Variants in VAV3 observed in about 807,000 individuals in gnomAD.
The protein encoded by VAV3 is guanine nucleotide exchange factor VAV3.
Under a neutral mutation model 131.2 loss-of-function variants are expected in VAV3, and 94 were observed. That is an observed-to-expected ratio of 0.72 (90% CI 0.61 to 0.85). The LOEUF (loss-of-function observed/expected upper bound fraction) is 0.85. Among genes scored for constraint, VAV3 ranks in the 40% least tolerant of loss-of-function variants. The pLI is 0.00. For synonymous variants in VAV3, 349 were observed against 342.0 expected (o/e 1.02, Z -0.22); for missense variants, 939 against 1,002.7 (o/e 0.94, Z 0.86).
chr1:107,730,763 A>G (rs1435569226), intron 15 of VAV3, among the ~76,000 whole-genome samples: 3 of 152,212 alleles, frequency 2.0e-5, no homozygotes, highest in Non-Finnish European at 4.4e-5. Flanking sequence ...TTTTTCATCT[A>G]GTGAATGAAT....
intron 19 of VAV3, among the ~76,000 whole-genome samples, chr1:107,661,919 G>A (rs1657050081): frequency 6.6e-6 from 1 of 152,186 alleles, no homozygotes; most frequent in Non-Finnish European, 1.5e-5. Context: ...GGAAAATTAA[G>A]TTGGTATTAC....
intron 1 of VAV3, among the ~76,000 whole-genome samples, chr1:107,954,952 A>G (rs1674736283): frequency 6.6e-6 from 1 of 152,228 alleles, no homozygotes. Context: ...ATGGGGATAA[A>G]TAACAGTGCC....
chr1:107,826,601 G>C (rs1012113715), intron 2 of VAV3, among the ~76,000 whole-genome samples: 2 of 152,172 alleles, frequency 1.3e-5, no homozygotes, highest in African/African-American at 4.8e-5. Flanking sequence ...CTGGCAGACA[G>C]TTGGCAAACT....
intron 2 of VAV3, among the ~76,000 whole-genome samples, chr1:107,851,896 TA>T (rs1364907699): frequency 2.0e-5 from 3 of 152,214 alleles, no homozygotes; most frequent in African/African-American, 4.8e-5. Flanking sequence ...CTGATTTTTT[TA>T]AAAAAGTTTT....
At chr1:107,673,037 C>T (rs996013630) in intron 19 of VAV3, among the ~76,000 whole-genome samples, 2 of 152,068 alleles carry the variant, frequency 1.3e-5, no homozygotes, top group Admixed American at 6.6e-5. Flanking sequence ...CTCTATGACG[C>T]CATTGTTAAA....
intron 1 of VAV3, among the ~76,000 whole-genome samples, chr1:107,958,825 T>C (rs961448741): frequency 2.0e-5 from 3 of 152,128 alleles, no homozygotes; most frequent in African/African-American, 7.2e-5. Flanking sequence ...CCCCTCCCTG[T>C]GCCCATATGT....
At chr1:107,711,710 T>A (rs1193933272) in intron 15 of VAV3, among the ~76,000 whole-genome samples, 1 of 152,108 alleles carries the variant, frequency 6.6e-6, no homozygotes, top group African/African-American at 2.4e-5. Flanking sequence ...TCGTAAGTAG[T>A]CTTTTTTTTT....
chr1:107,727,714 T>C (rs1307241117), intron 15 of VAV3, among the ~76,000 whole-genome samples: 2 of 152,238 alleles, frequency 1.3e-5, no homozygotes, highest in Non-Finnish European at 1.5e-5. Flanking sequence ...TTAGCCTTTG[T>C]GGGCTTTGCA....
At position 107,749,596 on chromosome 1, in the gene VAV3, T is replaced by C; in HGVS notation, c.1260-2A>G. 1 of 1,608,160 alleles carries C rather than the reference T, an allele frequency of 6.2e-7. No homozygotes were observed. Among genetic ancestry groups the C allele is most frequent in the Non-Finnish European group, 8.5e-7 (1 of 1,178,528 alleles). ...GCCAAATCAAATAAGAAGATATGCC[T>C]GGGAAAAAGAGATTGATTGATTGAT... On this transcript the variant is annotated splice_acceptor_variant, in intron 13 of 26. Coordinates refer to ENST00000370056, the MANE Select transcript of VAV3 (RefSeq NM_006113.5). LOFTEE classifies it high-confidence loss of function.
At chr1:107,890,392 T>C (rs1474822244) in intron 1 of VAV3, among the ~76,000 whole-genome samples, 1 of 152,170 alleles carries the variant, frequency 6.6e-6, no homozygotes, top group Non-Finnish European at 1.5e-5. Flanking sequence ...AAGTACTTCT[T>C]GGTCTTTTCT....
Position 107,606,997 on chromosome 1 carries a change from C to T in VAV3, c.2015+2934G>A, listed in dbSNP as rs145500872. Among the ~76,000 whole-genome samples, 478 of 150,680 alleles carry T rather than the reference C, an allele frequency of 3.2e-3. 2 individuals are homozygous for T. Among genetic ancestry groups the T allele is most frequent in the Non-Finnish European group, 2.6e-3 (178 of 67,678 alleles). On this transcript the variant is annotated intron_variant, in intron 22 of 26. Coordinates refer to ENST00000370056, the MANE Select transcript of VAV3 (RefSeq NM_006113.5). The stretch of plus-strand genomic sequence containing the variant: ...TAAGATGAAATCTCACACTGTCACC[C>T]GGGCTGGTGTGCAGTGGTGTGATCT...
rs528066940 is a variant in VAV3, at chr1:107,631,957, T to G, written c.1914+10662A>C. Among the ~76,000 whole-genome samples the G allele has an allele frequency of 1.1e-3, 166 of 152,250 alleles. 1 individual carries two copies. The highest frequency in any genetic ancestry group is 3.9e-3 in the African/African-American group (162 of 41,526). On this transcript the variant is annotated intron_variant, in intron 20 of 26. Transcript: ENST00000370056. ...AAACATACGTGTGCATGTACCTTTA[T>G]AGCAGCATGATTTATAATCTTTTGG...
intron 15 of VAV3, among the ~76,000 whole-genome samples, chr1:107,708,606 C>T (rs960094804): frequency 1.3e-5 from 2 of 152,082 alleles, no homozygotes; most frequent in Non-Finnish European, 2.9e-5. Flanking sequence ...AAGTTGAAGA[C>T]CTCACTTTCC....
At chr1:107,770,856 C>T in intron 5 of VAV3, 128 bp from the exon 6 acceptor site, 1 of 655,836 alleles carries the variant, frequency 1.5e-6, no homozygotes, top group Non-Finnish European at 2.5e-6. Flanking sequence ...AATTGAAAGA[C>T]ATCTAACTGC....
intron 2 of VAV3, among the ~76,000 whole-genome samples, chr1:107,858,852 T>A (rs1019439856): frequency 6.6e-6 from 1 of 152,198 alleles, no homozygotes; most frequent in African/African-American, 2.4e-5. Flanking sequence ...GGCAAGAATA[T>A]GACATCTCAT....
chr1:107,790,722 T>C (rs1666246043), intron 2 of VAV3, among the ~76,000 whole-genome samples: 2 of 143,878 alleles, frequency 1.4e-5, no homozygotes, highest in African/African-American at 2.6e-5. Context: ...GAGTCTTGCT[T>C]TGTCACCAAG....
intron 2 of VAV3, among the ~76,000 whole-genome samples, chr1:107,801,280 C>G (rs904523450): frequency 2.6e-5 from 4 of 151,992 alleles, no homozygotes; most frequent in African/African-American, 9.7e-5. Flanking sequence ...CTCAGAATTG[C>G]TTTAGCTATT....
intron 15 of VAV3, among the ~76,000 whole-genome samples, chr1:107,735,666 GA>G (rs1220355556): frequency 6.6e-6 from 1 of 152,134 alleles, no homozygotes; most frequent in African/African-American, 2.4e-5. Flanking sequence ...GGAAGACGCT[GA>G]ATTCCTGAAT....
chr1:107,950,829 G>T (rs1674496286), intron 1 of VAV3, among the ~76,000 whole-genome samples: 1 of 152,170 alleles, frequency 6.6e-6, no homozygotes. Flanking sequence ...AGAGCACAGG[G>T]AGGATAATGG....
Sources: gnomAD v4.1 joint callset for allele counts (sites outside exome capture counted in the v4.1 genomes callset) on GRCh38, gnomAD v4.1.1 for gene constraint, MANE v1.5 for transcripts, NCBI Gene and HGNC (gene_info 2026-07-23, HGNC 2026-07-21) for gene names.